The following PPP2R2A variants were observed in gnomAD, a reference collection of about 807,000 sequenced individuals.
PPP2R2A encodes protein phosphatase 2 regulatory subunit Balpha.
In PPP2R2A, 9 loss-of-function variants were observed where a neutral mutation model predicts 53.2. The observed-to-expected ratio is 0.17, with a 90% CI of 0.10 to 0.30. The LOEUF is 0.30. PPP2R2A is among the 10% of genes least tolerant of loss of function. PPP2R2A has a pLI of 1.00. For synonymous variants in PPP2R2A, 169 were observed against 174.2 expected, an observed-to-expected ratio of 0.97 and a Z score of 0.23; for missense variants, 235 against 534.6, an observed-to-expected ratio of 0.44 and a Z score of 5.53.
intron 2 of PPP2R2A, among the ~76,000 whole-genome samples, chr8:26,311,983 C>T (rs1020749184): frequency 1.3e-5 from 2 of 152,022 alleles, no homozygotes; most frequent in African/African-American, 4.8e-5. Flanking sequence ...GCTATTGGCT[C>T]CCCTTGCTAC....
chr8:26,364,774 C>G (rs1353368924), intron 8 of PPP2R2A, among the ~76,000 whole-genome samples: 3 of 152,196 alleles, frequency 2.0e-5, no homozygotes, highest in Admixed American at 2.0e-4. Context: ...TGGATTTGAA[C>G]TGCATGGGTT....
intron 9 of PPP2R2A, among the ~76,000 whole-genome samples, chr8:26,368,134 AT>A (rs1294410579): frequency 6.6e-6 from 1 of 152,224 alleles, no homozygotes; most frequent in Non-Finnish European, 1.5e-5. Flanking sequence ...CTCAGATGAT[AT>A]GGGGATGTCA....
rs183721109 is a variant in PPP2R2A at position 26,360,151 on chromosome 8, T to C, written c.347-18T>C. The C allele has an allele frequency of 7.0e-7, 1 of 1,420,848 alleles. No individual in the cohort carries two copies. Among genetic ancestry groups the C allele is most frequent in the Admixed American group, 1.8e-5 (1 of 54,552 alleles). The allele number at this position is 1,420,848 out of a possible 1,614,324, so 88.0% of individuals were successfully genotyped here. ...TCTTCTTCAGTATTTTAAGGACTTTTCTTTATTTTCTTCCCAGATAAAACA... is the reference window on the plus strand; with the variant it reads ...TCTTCTTCAGTATTTTAAGGACTTTCCTTTATTTTCTTCCCAGATAAAACA... On this transcript the variant is annotated intron_variant, in intron 4 of 9. Coordinates refer to ENST00000380737, the MANE Select transcript of PPP2R2A (RefSeq NM_002717.4). The surrounding 1 kb of genome is among the most constrained non-coding windows in gnomAD (Gnocchi z 4.5).
chr8:26,313,559 G>A (rs1317334322), intron 2 of PPP2R2A, among the ~76,000 whole-genome samples: 1 of 152,184 alleles, frequency 6.6e-6, no homozygotes, highest in African/African-American at 2.4e-5. Flanking sequence ...TGGAACCTGT[G>A]ACTGTTACCT....
At chr8:26,350,726 T>G (rs759801944) in intron 3 of PPP2R2A, 1 of 152,224 alleles carries the variant, frequency 6.6e-6, no homozygotes, top group Non-Finnish European at 1.5e-5. Flanking sequence ...TATATGTTTA[T>G]TGGCTATTTG....
At chr8:26,352,553 G>T (rs1368119322) in intron 3 of PPP2R2A, among the ~76,000 whole-genome samples, 1 of 152,174 alleles carries the variant, frequency 6.6e-6, no homozygotes, top group Non-Finnish European at 1.5e-5. Flanking sequence ...TAATGCATGT[G>T]CTCAGCCTGG....
At chr8:26,292,353 T>A in intron 1 of PPP2R2A, 1 of 986,300 alleles carries the variant, frequency 1.0e-6, no homozygotes, top group African/African-American at 1.7e-5. Flanking sequence ...ATGCCAATAT[T>A]TTTGAGACTG....
intron 8 of PPP2R2A, chr8:26,365,291 A>G (rs1805312025): frequency 6.6e-6 from 1 of 152,044 alleles, no homozygotes. Flanking sequence ...ATTGAAGGGT[A>G]TTTTTTTCTT....
intron 1 of PPP2R2A, among the ~76,000 whole-genome samples, chr8:26,292,929 T>G (rs1801372685): frequency 6.6e-6 from 1 of 152,258 alleles, no homozygotes; most frequent in African/African-American, 2.4e-5. Context: ...CATGTCGGAT[T>G]GACTTACGGT....
rs960932283 is a variant in PPP2R2A at position 26,338,375 on chromosome 8, A to C, written c.83-515A>C. Among the ~76,000 whole-genome samples the C allele has an allele frequency of 1.3e-5, 2 of 152,232 alleles. No individual in the cohort carries two copies. The highest frequency in any genetic ancestry group is 2.9e-5 in the Non-Finnish European group (2 of 68,038). On this transcript the variant is annotated intron_variant, in intron 2 of 9. Transcript: ENST00000380737. This position sits in a 1 kb window ranked among gnomAD's most constrained non-coding sequence, Gnocchi z 4.5. ...CATAGCACGAAGCATTTCTGCTATA[A>C]AAAAGCGGGATCTATTTGCAAACAC...
intron 2 of PPP2R2A, among the ~76,000 whole-genome samples, chr8:26,296,943 T>A (rs1207538028): frequency 6.6e-6 from 1 of 152,164 alleles, no homozygotes; most frequent in Non-Finnish European, 1.5e-5. Context: ...GACCTTGGGT[T>A]TTTACCCTAG....
chr8:26,322,861 A>G (rs1164080398), intron 2 of PPP2R2A, among the ~76,000 whole-genome samples: 2 of 152,262 alleles, frequency 1.3e-5, no homozygotes, highest in Non-Finnish European at 1.5e-5. Context: ...CACAGGAAGC[A>G]GCAGTTTTTA....
chr8:26,293,235 A>G (rs772532454), intron 1 of PPP2R2A: 1 of 1,535,648 alleles, frequency 6.5e-7, no homozygotes, highest in South Asian at 1.2e-5. Flanking sequence ...ATTACTCCTT[A>G]CCCAGGCAGT....
intron 2 of PPP2R2A, among the ~76,000 whole-genome samples, chr8:26,335,393 C>G (rs1427628674): frequency 6.6e-6 from 1 of 152,078 alleles, no homozygotes; most frequent in Non-Finnish European, 1.5e-5. Context: ...GGAAGGAACA[C>G]CATGACGTAG....
intron 2 of PPP2R2A, among the ~76,000 whole-genome samples, chr8:26,300,727 G>A (rs577438868): frequency 6.6e-6 from 1 of 152,194 alleles, no homozygotes; most frequent in East Asian, 1.9e-4. Flanking sequence ...GGTGGTGCGC[G>A]CCTGTTGTCC....
Position 26,321,861 on chromosome 8 carries a change from G to T in PPP2R2A, c.83-17029G>T, listed in dbSNP as rs376030678. ...GGACAATTTTTAAGGCAGCAATAGA[G>T]AACTTATATAGGAAGTAACAATGTC... On this transcript the variant is annotated intron_variant, in intron 2 of 9. Coordinates refer to ENST00000380737, the MANE Select transcript of PPP2R2A (RefSeq NM_002717.4). This position sits in a 1 kb window ranked among gnomAD's most constrained non-coding sequence, Gnocchi z 4.1. Among the ~76,000 whole-genome samples the T allele has an allele frequency of 6.6e-6, 1 of 152,212 alleles. No homozygotes were observed. The highest frequency in any genetic ancestry group is 1.5e-5 in the Non-Finnish European group (1 of 68,032).
chr8:26,361,203 T>C, intron 6 of PPP2R2A, 52 bp downstream of exon 6: 2 of 1,466,366 alleles, frequency 1.4e-6, no homozygotes, highest in Non-Finnish European at 1.8e-6. Context: ...GTTGTGCCCA[T>C]ATTAGATTTA....
At chr8:26,365,666 T>G (rs1165661556) in intron 8 of PPP2R2A, 1 of 152,154 alleles carries the variant, frequency 6.6e-6, no homozygotes, top group African/African-American at 2.4e-5. Flanking sequence ...AAATATGAGA[T>G]TTCTAGTTTA....
intron 2 of PPP2R2A, among the ~76,000 whole-genome samples, chr8:26,326,466 G>T (rs544779504): frequency 6.6e-6 from 1 of 152,096 alleles, no homozygotes; most frequent in Admixed American, 6.5e-5. Context: ...TCAGTTTGTG[G>T]GTGAACTAGA....
Sources: gnomAD v4.1 joint callset for allele counts (sites outside exome capture counted in the v4.1 genomes callset) on GRCh38, gnomAD v4.1.1 for gene constraint, Gnocchi (gnomAD v3.1) non-coding constraint, MANE v1.5 for transcripts, NCBI Gene and HGNC (gene_info 2026-07-23, HGNC 2026-07-21) for gene names.